Variants in GATAD2B observed in about 807,000 individuals in gnomAD.
GATAD2B encodes the protein GATA zinc finger domain containing 2B, also known as transcriptional repressor p66-beta.
GATAD2B carries 8 observed loss-of-function variants against 64.3 expected under a neutral mutation model. The observed-to-expected ratio is 0.12, with a 90% CI of 0.07 to 0.22. GATAD2B has a LOEUF of 0.22. Among genes scored for constraint, GATAD2B ranks in the 10% least tolerant of loss-of-function variants. The pLI is 1.00. For missense variants in GATAD2B, 453 were observed against 752.0 expected (o/e 0.60, Z 4.65); for synonymous variants, 281 against 271.3 (o/e 1.04, Z -0.35).
chr1:153,859,540 C>T (rs1162206637), intron 1 of GATAD2B, among the ~76,000 whole-genome samples: 2 of 151,430 alleles, frequency 1.3e-5, no homozygotes, highest in Non-Finnish European at 2.9e-5. Flanking sequence ...TGTAGTGGCA[C>T]GAGCCTGTAA....
At chr1:153,824,297 G>T (rs1204184503) in intron 2 of GATAD2B, among the ~76,000 whole-genome samples, 1 of 151,966 alleles carries the variant, frequency 6.6e-6, no homozygotes, top group Non-Finnish European at 1.5e-5. Flanking sequence ...CTCTTTAAAT[G>T]ATTTTTAAAA....
intron 1 of GATAD2B, among the ~76,000 whole-genome samples, chr1:153,838,344 A>C (rs1262467885): frequency 6.6e-6 from 1 of 152,210 alleles, no homozygotes; most frequent in Non-Finnish European, 1.5e-5. Flanking sequence ...ATTTCATTCC[A>C]ATAGAAAGAT....
At chr1:153,909,067 T>C (rs1363219734) in intron 1 of GATAD2B, among the ~76,000 whole-genome samples, 1 of 152,070 alleles carries the variant, frequency 6.6e-6, no homozygotes, top group Non-Finnish European at 1.5e-5. Context: ...TAGCTGGGTA[T>C]GGTGGCATGT....
intron 1 of GATAD2B, among the ~76,000 whole-genome samples, chr1:153,893,890 G>C (rs557195748): frequency 6.9e-6 from 1 of 144,936 alleles, no homozygotes; most frequent in East Asian, 2.1e-4. Context: ...CCTGGGAGGC[G>C]GGGGCTGCAG....
At chr1:153,888,083 T>A (rs1677239619) in intron 1 of GATAD2B, among the ~76,000 whole-genome samples, 3 of 147,084 alleles carry the variant, frequency 2.0e-5, no homozygotes, top group African/African-American at 7.6e-5. Context: ...TGAGGCTCTA[T>A]CTCAAAAAAA....
Position 153,812,151 on chromosome 1 carries a change from T to A in GATAD2B, c.1420-19A>T. 2.9e-6 allele frequency: 4 copies of A among 1,372,830 alleles called. No homozygotes were observed. The highest frequency in any genetic ancestry group is 4.2e-6 in the Non-Finnish European group (4 of 961,990). The allele number at this position is 1,372,830 out of a possible 1,614,324, so 85.0% of individuals were successfully genotyped here. A position where few individuals can be genotyped will look rare whatever the true frequency, so the allele number is the denominator to read the frequency against. ...CAATTTCCTGTTGGGAGTCATCACA[T>A]CAGGTGATTGAGCAGGACAGCACCC... On this transcript the variant is annotated intron_variant, in intron 8 of 10. Transcript: ENST00000368655.
intron 1 of GATAD2B, among the ~76,000 whole-genome samples, chr1:153,833,330 A>T (rs1322609819): frequency 6.6e-6 from 1 of 152,184 alleles, no homozygotes; most frequent in Non-Finnish European, 1.5e-5. Flanking sequence ...TGAATATTTT[A>T]AGCTCATGGC....
chr1:153,817,284 T>A (rs1210410750), intron 6 of GATAD2B, 88 bp downstream of exon 6: 1 of 1,290,832 alleles, frequency 7.7e-7, no homozygotes, highest in South Asian at 1.7e-5. Flanking sequence ...TATCTATGTA[T>A]AAAAACTTAA....
chr1:153,901,026 C>T (rs1032924799), intron 1 of GATAD2B, among the ~76,000 whole-genome samples: 1 of 151,802 alleles, frequency 6.6e-6, no homozygotes, highest in Non-Finnish European at 1.5e-5. Flanking sequence ...CCAGCCTGGC[C>T]AACCTGGCAA....
At position 153,817,454 on chromosome 1, in the gene GATAD2B, A is replaced by C. The variant is rs747993768; in HGVS notation, c.818T>G (p.Leu273Arg). 8 of 1,613,544 alleles carry C rather than the reference A, an allele frequency of 5.0e-6. No individual in the cohort carries two copies. The highest frequency in any genetic ancestry group is 6.8e-6 in the Non-Finnish European group (8 of 1,179,844). ...CTTAGGCGGGCCCCGCTGACCCTGT[A>C]GCTGGGCTGGGTTTGGTGCAATAAC... ...QRVIAPNPAQ[L>R]QGQRGPPKPG... The change falls in exon 6 of 11, where the codon CTA (leucine) becomes CGA (arginine). Residue 273 changes from leucine (L) to arginine (R), a missense_variant. Leu to Arg is a moderately radical substitution (Grantham distance 102, BLOSUM62 -2). Transcript: ENST00000368655.
intron 1 of GATAD2B, among the ~76,000 whole-genome samples, chr1:153,874,730 T>A (rs1223591418): frequency 6.6e-6 from 1 of 150,990 alleles, no homozygotes; most frequent in Non-Finnish European, 1.5e-5. Context: ...GTGCATGCCA[T>A]CATGCCCAGC....
At chr1:153,858,789 T>C (rs1403367346) in intron 1 of GATAD2B, among the ~76,000 whole-genome samples, 3 of 152,098 alleles carry the variant, frequency 2.0e-5, no homozygotes, top group East Asian at 1.9e-4. Context: ...ATGTATGTTA[T>C]GTATTTGTAA....
rs796437951 is a variant in GATAD2B at position 153,809,712 on chromosome 1, CAA to C, written c.*463_*464del. The C allele has an allele frequency of 1.3e-4, 9 of 69,294 alleles. No individual in the cohort carries two copies. The highest frequency in any genetic ancestry group is 2.1e-4 in the Non-Finnish European group (7 of 32,996). The allele number at this position is 69,294 out of a possible 1,614,324, so 4.3% of individuals were successfully genotyped here. A position where few individuals can be genotyped will look rare whatever the true frequency, so the allele number is the denominator to read the frequency against. On this transcript the variant is annotated 3_prime_UTR_variant, in exon 11 of 11. Transcript: ENST00000368655. ...TTGAACTGAATGTCATTTGTGTTTA[CAA>C]AAAAAAAAAAAAAAAAGGAAGAAAA...
chr1:153,824,526 C>T (rs1674800830), intron 2 of GATAD2B, among the ~76,000 whole-genome samples: 1 of 148,736 alleles, frequency 6.7e-6, no homozygotes, highest in Non-Finnish European at 1.5e-5. Flanking sequence ...GCAGGAGAAT[C>T]GCTTGAACCC....
At chr1:153,853,522 T>A (rs1269317008) in intron 1 of GATAD2B, 1 of 297,370 alleles carries the variant, frequency 3.4e-6, no homozygotes, top group Non-Finnish European at 6.4e-6. Flanking sequence ...TGTTGGAGAT[T>A]AACCCCTTAT....
At chr1:153,901,973 C>T (rs1002610508) in intron 1 of GATAD2B, among the ~76,000 whole-genome samples, 2 of 133,088 alleles carry the variant, frequency 1.5e-5, no homozygotes, top group Admixed American at 8.7e-5. Flanking sequence ...AATCAGACTC[C>T]GTCTCAAAAA....
At chr1:153,857,647 T>G (rs1284505504) in intron 1 of GATAD2B, among the ~76,000 whole-genome samples, 1 of 152,100 alleles carries the variant, frequency 6.6e-6, no homozygotes, top group South Asian at 2.1e-4. Flanking sequence ...GAGAGAGAGA[T>G]GTCTCTGGAA....
chr1:153,855,498 G>A (rs1012810866), intron 1 of GATAD2B, among the ~76,000 whole-genome samples: 10 of 152,288 alleles, frequency 6.6e-5, no homozygotes, highest in African/African-American at 2.2e-4. Flanking sequence ...CCAAAGTGCT[G>A]GGATTACGGG....
intron 1 of GATAD2B, among the ~76,000 whole-genome samples, chr1:153,862,800 C>T (rs1006421793): frequency 6.7e-6 from 1 of 149,216 alleles, no homozygotes; most frequent in Non-Finnish European, 1.5e-5. Flanking sequence ...TCTCAGCTCA[C>T]CACAACCTCC....
Sources: gnomAD v4.1 joint callset for allele counts (sites outside exome capture counted in the v4.1 genomes callset) on GRCh38, gnomAD v4.1.1 for gene constraint, MANE v1.5 for transcripts, NCBI Gene and HGNC (gene_info 2026-07-23, HGNC 2026-07-21) for gene names.